The following ARHGAP39 variants were observed in gnomAD, a reference collection of about 807,000 sequenced individuals.
The protein encoded by ARHGAP39 is rho GTPase-activating protein 39.
ARHGAP39 carries 44 observed loss-of-function variants against 106.9 expected under a neutral mutation model. That is an observed-to-expected ratio of 0.41 (90% CI 0.32 to 0.53). The LOEUF is 0.53. Ranked by LOEUF, ARHGAP39 falls within the 20% of genes least tolerant of loss-of-function variation. The pLI is 0.21. For synonymous variants in ARHGAP39, 768 were observed against 693.2 expected (o/e 1.11, Z -1.69); for missense variants, 1,496 against 1,577.3 (o/e 0.95, Z 0.87).
Position 144,671,344 on chromosome 8 carries a change from A to C in ARHGAP39, c.-82+14342T>G, listed in dbSNP as rs922590919. Among the ~76,000 whole-genome samples the C allele has an allele frequency of 6.6e-6, 1 of 152,248 alleles. No individual in the cohort carries two copies. The highest frequency in any genetic ancestry group is 1.5e-5 in the Non-Finnish European group (1 of 68,040). On this transcript the variant is annotated intron_variant, in intron 1 of 11. Transcript: ENST00000377307. The surrounding 1 kb of genome is among the most constrained non-coding windows in gnomAD (Gnocchi z 4.5). ...CGTAAGTTCTGATGTTTTCCGCAAA[A>C]GAAATGAACGAATAAAGCTGGAGTT... is the stretch of plus-strand genomic sequence containing the variant.
chr8:144,581,223 G>C lies in ARHGAP39; in HGVS notation c.135C>G (p.Asn45Lys). 1 of 1,556,052 alleles carries C rather than the reference G, an allele frequency of 6.4e-7. No individual in the cohort carries two copies. The highest frequency in any genetic ancestry group is 8.7e-7 in the Non-Finnish European group (1 of 1,150,674). The change falls in exon 3 of 12, where the codon AAC (asparagine) becomes AAG (lysine). Residue 45 changes from asparagine (N) to lysine (K), a missense_variant. Around this residue, in one of 4 missense-constraint regions of ARHGAP39, gnomAD observed 96 missense variants for 107.9 expected, o/e 0.89. Coordinates refer to ENST00000377307, the MANE Select transcript of ARHGAP39 (RefSeq NM_025251.3). ...CCCACACGCACTCACCGGTGACCAG[G>C]TTGGCGTACATGCGCTCGCGGGTGC... Reference protein sequence around the residue: ...EPRTRERMYANLVTGECVWDP... With the variant: ...EPRTRERMYAKLVTGECVWDP...
At chr8:144,593,362 G>C (rs976807218) in intron 2 of ARHGAP39, among the ~76,000 whole-genome samples, 2 of 152,174 alleles carry the variant, frequency 1.3e-5, no homozygotes, top group Admixed American at 1.3e-4. Context: ...CAACAAACGT[G>C]CAGGTGGACG....
At position 144,547,169 on chromosome 8, in the gene ARHGAP39, C is replaced by T. The variant is rs752702416; in HGVS notation, c.1917G>A (p.Gln639=). 1 of 1,610,816 alleles carries T rather than the reference C, an allele frequency of 6.2e-7. No individual in the cohort carries two copies. The highest frequency in any genetic ancestry group is 8.5e-7 in the Non-Finnish European group (1 of 1,179,044). ...QILLEKSVSV[Q]TNLASPEPYL... is the part of the protein sequence containing the mutation. ...AGGGCTCTGGTGAGGCCAGGTTGGT[C>T]TGCACGGAGACGCTCTTCTCCAGCA... The change falls in exon 5 of 12, where the codon CAG becomes CAA. Residue 639 remains glutamine (Q), a synonymous_variant. Coordinates refer to ENST00000377307, the MANE Select transcript of ARHGAP39 (RefSeq NM_025251.3). This position sits in a 1 kb window ranked among gnomAD's most constrained non-coding sequence, Gnocchi z 5.2.
intron 1 of ARHGAP39, among the ~76,000 whole-genome samples, chr8:144,661,750 C>T (rs1821827762): frequency 6.6e-6 from 1 of 152,044 alleles, no homozygotes; most frequent in Non-Finnish European, 1.5e-5. Flanking sequence ...GATCACAGCT[C>T]ACTGCAGCCT....
chr8:144,534,459 G>GGCCAC (rs1816872249), intron 7 of ARHGAP39, among the ~76,000 whole-genome samples: 1 of 152,176 alleles, frequency 6.6e-6, no homozygotes, highest in Non-Finnish European at 1.5e-5. Context: ...GCCCTCCTAC[G>GGCCAC]GCCACGCAGG....
intron 3 of ARHGAP39, among the ~76,000 whole-genome samples, chr8:144,558,695 C>G (rs1305393484): frequency 6.6e-6 from 1 of 152,086 alleles, no homozygotes; most frequent in African/African-American, 2.4e-5. Flanking sequence ...GTATGTTCAC[C>G]CCCTACTCTG....
chr8:144,700,028 G>C, the ARHGAP39 span, among the ~76,000 whole-genome samples: 1 of 152,168 alleles, frequency 6.6e-6, no homozygotes, highest in Non-Finnish European at 1.5e-5. This position sits in a 1 kb window ranked among gnomAD's most constrained non-coding sequence, Gnocchi z 5.6. Context: ...CAAACAGTCG[G>C]CGACCCGGCC....
chr8:144,587,826 T>C (rs1819238902), intron 2 of ARHGAP39, among the ~76,000 whole-genome samples: 1 of 152,122 alleles, frequency 6.6e-6, no homozygotes, highest in Admixed American at 6.5e-5. Flanking sequence ...GGCTAACTCT[T>C]GTTTTTAGTA....
chr8:144,671,501 C>A lies in ARHGAP39; in HGVS notation c.-82+14185G>T, dbSNP rs1311249303. On this transcript the variant is annotated intron_variant, in intron 1 of 11. Coordinates refer to ENST00000377307, the MANE Select transcript of ARHGAP39 (RefSeq NM_025251.3). This position sits in a 1 kb window ranked among gnomAD's most constrained non-coding sequence, Gnocchi z 4.5. ...CACGCTGCAAACACCACCCTCCCAC[C>A]TGCTCCCTGACCCCCAGATGCCTGC... Among the ~76,000 whole-genome samples the A allele has an allele frequency of 6.6e-6, 1 of 152,200 alleles. No homozygotes were observed. The highest frequency in any genetic ancestry group is 2.4e-5 in the African/African-American group (1 of 41,454).
At chr8:144,545,176 G>A (rs1180003439) in intron 6 of ARHGAP39, 73 bp downstream of exon 6, 1 of 1,350,658 alleles carries the variant, frequency 7.4e-7, no homozygotes, top group Non-Finnish European at 9.7e-7. Flanking sequence ...TTCACCAGCT[G>A]CCGCCCAGCA....
At chr8:144,675,685 G>A (rs1435864700) in intron 1 of ARHGAP39, among the ~76,000 whole-genome samples, 1 of 151,642 alleles carries the variant, frequency 6.6e-6, no homozygotes, top group African/African-American at 2.4e-5. Flanking sequence ...GGCTTCAGGA[G>A]TGAAACTGCA....
intron 4 of ARHGAP39, among the ~76,000 whole-genome samples, chr8:144,551,636 C>T (rs1459400296): frequency 6.6e-6 from 1 of 151,484 alleles, no homozygotes; most frequent in East Asian, 1.9e-4. Context: ...GCCATGTAGG[C>T]AGCTCTGCTC....
intron 1 of ARHGAP39, among the ~76,000 whole-genome samples, chr8:144,635,671 C>T (rs543523659): frequency 1.1e-4 from 16 of 152,292 alleles, no homozygotes; most frequent in Admixed American, 9.8e-4. Context: ...GGGAGCTGAG[C>T]GCTTACCCGG....
chr8:144,541,954 T>C (rs1817210058), intron 6 of ARHGAP39, among the ~76,000 whole-genome samples: 2 of 143,562 alleles, frequency 1.4e-5, no homozygotes, highest in East Asian at 3.9e-4. Context: ...GCTGTACCAT[T>C]TTACATTCCT....
chr8:144,686,930 ACCATTTCCCACCCCTGTGACCAC>A (rs1563738891), upstream of ARHGAP39, among the ~76,000 whole-genome samples: 47 of 57,108 alleles, frequency 8.2e-4, 2 homozygotes, highest in African/African-American at 3.0e-3. Context: ...ACTGGCGGCG[ACCATTTCCCACCCCTGTGACCAC>A]GCACTGGCGG....
chr8:144,626,913 C>G (rs1820932714), intron 1 of ARHGAP39, among the ~76,000 whole-genome samples: 1 of 152,248 alleles, frequency 6.6e-6, no homozygotes, highest in African/African-American at 2.4e-5. Flanking sequence ...GGTGGGACAA[C>G]AGCCCCCACA....
chr8:144,592,493 C>A (rs1230942387), intron 2 of ARHGAP39, among the ~76,000 whole-genome samples: 1 of 134,472 alleles, frequency 7.4e-6, no homozygotes, highest in East Asian at 2.2e-4. Flanking sequence ...CAGCACTGAG[C>A]CCAGACCCTA....
the ARHGAP39 span, chr8:144,698,605 G>GTTT: frequency 5.8e-4 from 152 of 262,438 alleles, no homozygotes; most frequent in South Asian, 1.9e-3. Context: ...TCTCTAATCT[G>GTTT]TTTTTTTTTT....
rs1336852800 is a variant in ARHGAP39 at position 144,670,966 on chromosome 8, T to C, written c.-82+14720A>G. 6.6e-6 allele frequency among the ~76,000 whole-genome samples: 1 copy of C among 152,184 alleles called. No homozygotes were observed. The highest frequency in any genetic ancestry group is 1.5e-5 in the Non-Finnish European group (1 of 68,032). ...CAGCTCTGATGACGCTGCCTGGTGC[T>C]GCTCCCTCCTCCCACACCAGAGACC... On this transcript the variant is annotated intron_variant, in intron 1 of 11. Transcript: ENST00000377307. The surrounding 1 kb of genome is among the most constrained non-coding windows in gnomAD (Gnocchi z 4.4).
Sources: gnomAD v4.1 joint callset for allele counts (sites outside exome capture counted in the v4.1 genomes callset) on GRCh38, gnomAD v4.1.1 for gene constraint, gnomAD v4.1.1 regional missense constraint, Gnocchi (gnomAD v3.1) non-coding constraint, MANE v1.5 for transcripts, NCBI Gene and HGNC (gene_info 2026-07-23, HGNC 2026-07-21) for gene names.